Variants in GMDS observed in about 807,000 individuals in gnomAD.
The protein encoded by GMDS is GDP-mannose 4,6 dehydratase.
GMDS carries 20 observed loss-of-function variants against 49.9 expected under a neutral mutation model. The ratio of observed to expected loss-of-function variants is 0.40; its 90% confidence interval spans 0.28 to 0.58. GMDS has a LOEUF of 0.58. GMDS is among the 20% of genes least tolerant of loss of function. The pLI is 0.42. For missense variants in GMDS, 362 were observed against 481.4 expected, an observed-to-expected ratio of 0.75 and a Z score of 2.32; for synonymous variants, 177 against 178.6, an observed-to-expected ratio of 0.99 and a Z score of 0.07.
intron 6 of GMDS, among the ~76,000 whole-genome samples, chr6:1,959,002 A>G (rs1379613338): frequency 6.6e-6 from 1 of 152,222 alleles, no homozygotes; most frequent in Admixed American, 6.5e-5. Flanking sequence ...TCTCATCAAC[A>G]ACTCTGAAAA....
chr6:2,102,904 C>T (rs1774007741), intron 4 of GMDS, among the ~76,000 whole-genome samples: 1 of 152,130 alleles, frequency 6.6e-6, no homozygotes, highest in South Asian at 2.1e-4. Flanking sequence ...TTTTCTTTGT[C>T]CTTGTTTTCA....
chr6:1,807,200 C>T (rs1203903211), intron 7 of GMDS, among the ~76,000 whole-genome samples: 1 of 152,012 alleles, frequency 6.6e-6, no homozygotes, highest in Non-Finnish European at 1.5e-5. Context: ...TACCACCATG[C>T]CTGGCAAATT....
rs1293108281 is a variant in GMDS at position 1,766,247 on chromosome 6, G to A, written c.772-23661C>T. 6.6e-6 allele frequency among the ~76,000 whole-genome samples: 1 copy of A among 152,172 alleles called. No individual in the cohort carries two copies. The highest frequency in any genetic ancestry group is 1.9e-4 in the East Asian group (1 of 5,192). On this transcript the variant is annotated intron_variant, in intron 7 of 10. Coordinates refer to ENST00000380815, the MANE Select transcript of GMDS (RefSeq NM_001500.4). This position sits in a 1 kb window ranked among gnomAD's most constrained non-coding sequence, Gnocchi z 4.5. Reference sequence around the variant, plus strand: ...AAGGAGAAGTTAGCTAATTTAAGCTGATGTGCATTGAGTCACTGGAAATTG... The same window carrying A: ...AAGGAGAAGTTAGCTAATTTAAGCTAATGTGCATTGAGTCACTGGAAATTG...
intron 7 of GMDS, among the ~76,000 whole-genome samples, chr6:1,772,737 C>T (rs1420117329): frequency 6.6e-6 from 1 of 152,148 alleles, no homozygotes; most frequent in Non-Finnish European, 1.5e-5. Flanking sequence ...CGTGATGACA[C>T]CAAACGTAAA....
chr6:2,061,711 T>A (rs1480671323), intron 4 of GMDS, among the ~76,000 whole-genome samples: 1 of 117,752 alleles, frequency 8.5e-6, no homozygotes, highest in African/African-American at 3.3e-5. Context: ...AGTGCAAGAC[T>A]CTGTCTCAAA....
chr6:1,656,108 A>G (rs540952850), intron 9 of GMDS, among the ~76,000 whole-genome samples: 1 of 152,316 alleles, frequency 6.6e-6, no homozygotes, highest in South Asian at 2.1e-4. Flanking sequence ...CATCTGCCAA[A>G]TGTATTAGCC....
chr6:1,669,782 A>G (rs1005487898), intron 9 of GMDS, among the ~76,000 whole-genome samples: 2 of 152,040 alleles, frequency 1.3e-5, no homozygotes, highest in South Asian at 2.1e-4. Context: ...GTGTGGTGGC[A>G]GGCGCCTGTA....
intron 7 of GMDS, among the ~76,000 whole-genome samples, chr6:1,829,571 TG>T (rs1156619901): frequency 1.3e-5 from 2 of 152,130 alleles, no homozygotes; most frequent in South Asian, 2.1e-4. Flanking sequence ...GTAAAGTAGC[TG>T]GGAACACAGG....
intron 1 of GMDS, among the ~76,000 whole-genome samples, chr6:2,153,288 T>G (rs1009886289): frequency 5.3e-5 from 8 of 152,126 alleles, no homozygotes; most frequent in Non-Finnish European, 8.8e-5. Context: ...CCAGGGAATA[T>G]TTTAAGAAGG....
At chr6:2,156,929 C>A (rs1252945846) in intron 1 of GMDS, among the ~76,000 whole-genome samples, 1 of 152,132 alleles carries the variant, frequency 6.6e-6, no homozygotes, top group Non-Finnish European at 1.5e-5. Context: ...TTGCTAAATT[C>A]ATTGAACATA....
intron 9 of GMDS, among the ~76,000 whole-genome samples, chr6:1,694,508 C>T (rs1022544245): frequency 6.6e-6 from 1 of 152,162 alleles, no homozygotes; most frequent in African/African-American, 2.4e-5. Flanking sequence ...CAGTGCCAGA[C>T]TTTTGCTACT....
chr6:1,623,849 A>T lies in GMDS; in HGVS notation c.*320T>A. 1 of 360,036 alleles carries T rather than the reference A, an allele frequency of 2.8e-6. No individual in the cohort carries two copies. Among genetic ancestry groups the T allele is most frequent in the East Asian group, 4.8e-5 (1 of 20,870 alleles). 22.3% of individuals were successfully genotyped at this position (360,036 alleles called of 1,614,324 possible). ...CCATTTTTAATATGAAAAGAGAAAA[A>T]CAATTTGAAGGCCCCACAATTTGTT... On this transcript the variant is annotated 3_prime_UTR_variant, in exon 11 of 11. Coordinates refer to ENST00000380815, the MANE Select transcript of GMDS (RefSeq NM_001500.4).
chr6:1,741,289 A>G (rs1362852794), intron 8 of GMDS, among the ~76,000 whole-genome samples: 3 of 152,080 alleles, frequency 2.0e-5, no homozygotes, highest in South Asian at 2.1e-4. Context: ...TATTTCTCCT[A>G]TCTTATTGTT....
chr6:1,751,469 T>G (rs1427883607), intron 7 of GMDS, among the ~76,000 whole-genome samples: 3 of 152,202 alleles, frequency 2.0e-5, no homozygotes, highest in Non-Finnish European at 4.4e-5. Context: ...CCAGCAGACC[T>G]GCAGCAGAGG....
intron 7 of GMDS, among the ~76,000 whole-genome samples, chr6:1,770,261 C>T (rs1581161790): frequency 6.6e-6 from 1 of 152,182 alleles, no homozygotes; most frequent in South Asian, 2.1e-4. Context: ...AATTCACAGA[C>T]AGTTTTAGAC....
chr6:1,902,837 T>C (rs981854722), intron 7 of GMDS, among the ~76,000 whole-genome samples: 4 of 152,204 alleles, frequency 2.6e-5, no homozygotes, highest in Non-Finnish European at 5.9e-5. Context: ...TAAACTATTG[T>C]TTATTAACAA....
chr6:1,787,298 T>C (rs1769364117), intron 7 of GMDS, among the ~76,000 whole-genome samples: 2 of 152,194 alleles, frequency 1.3e-5, no homozygotes, highest in Admixed American at 1.3e-4. Context: ...CAGCTAGGAT[T>C]GGAAAAATTC....
intron 4 of GMDS, among the ~76,000 whole-genome samples, chr6:2,058,248 C>T (rs1770892514): frequency 6.7e-6 from 1 of 150,312 alleles, no homozygotes; most frequent in Non-Finnish European, 1.5e-5. Flanking sequence ...ATTCCAGCTA[C>T]TGAGGAGAAT....
intron 4 of GMDS, among the ~76,000 whole-genome samples, chr6:1,985,251 A>C (rs1038902729): frequency 6.6e-6 from 1 of 152,192 alleles, no homozygotes; most frequent in Non-Finnish European, 1.5e-5. Flanking sequence ...ATGAAGCTCT[A>C]TGCCACCAAT....
Sources: gnomAD v4.1 joint callset for allele counts (sites outside exome capture counted in the v4.1 genomes callset) on GRCh38, gnomAD v4.1.1 for gene constraint, Gnocchi (gnomAD v3.1) non-coding constraint, MANE v1.5 for transcripts, NCBI Gene and HGNC (gene_info 2026-07-23, HGNC 2026-07-21) for gene names.